The following LIMA1 variants were observed in gnomAD, a reference collection of about 807,000 sequenced individuals.
LIMA1 encodes LIM domain and actin-binding protein 1.
In LIMA1, 52 loss-of-function variants were observed where a neutral mutation model predicts 62.6. That is an observed-to-expected ratio of 0.83 (90% CI 0.67 to 1.05). The LOEUF (loss-of-function observed/expected upper bound fraction) is 1.05, where lower values mean the gene tolerates loss of function less well. LIMA1 is among the 50% of genes least tolerant of loss of function. LIMA1 has a pLI of 0.00. For missense variants in LIMA1, 780 were observed against 902.2 expected (o/e 0.86, Z 1.74); for synonymous variants, 302 against 317.8 (o/e 0.95, Z 0.53).
intron 1 of LIMA1, among the ~76,000 whole-genome samples, chr12:50,253,899 G>T (rs1941960282): frequency 6.6e-6 from 1 of 151,210 alleles, no homozygotes; most frequent in Non-Finnish European, 1.5e-5. Flanking sequence ...ATGGTGGCAG[G>T]CGCCTGTAAT....
Position 50,270,964 on chromosome 12 carries a change from T to C in LIMA1, c.-24+12456A>G, listed in dbSNP as rs535911938. On this transcript the variant is annotated intron_variant, in intron 1 of 10. Coordinates refer to ENST00000341247, the MANE Select transcript of LIMA1 (RefSeq NM_016357.5). ...AAAATTAGCCGGGCGTGGTGGCGGG[T>C]GCCTATGGTCCCAATTACTCGGGAG... Among the ~76,000 whole-genome samples, 128 of 152,038 alleles carry C rather than the reference T, an allele frequency of 8.4e-4. 1 individual carries two copies. Among genetic ancestry groups the C allele is most frequent in the Non-Finnish European group, 1.1e-3 (75 of 67,956 alleles).
intron 3 of LIMA1, among the ~76,000 whole-genome samples, chr12:50,226,615 C>T (rs1436310572): frequency 1.3e-5 from 2 of 152,052 alleles, no homozygotes; most frequent in South Asian, 2.1e-4. Flanking sequence ...CCGAGGCGGG[C>T]GGATCACAAG....
At position 50,224,903 on chromosome 12, in the gene LIMA1, T is replaced by C. The variant is rs1364211664; in HGVS notation, c.166-2418A>G. ...TATGTCAGCATGCCTGGCATTTTTT[T>C]TTTTTTTTTTTTTTTTGAGACGGAG... On this transcript the variant is annotated intron_variant, in intron 3 of 10. Coordinates refer to ENST00000341247, the MANE Select transcript of LIMA1 (RefSeq NM_016357.5). Among the ~76,000 whole-genome samples, 3 of 148,436 alleles carry C rather than the reference T, an allele frequency of 2.0e-5. No homozygotes were observed. The Admixed American group carries it at 2.0e-4, about 10-fold the overall frequency.
chr12:50,237,942 A>G (rs1296379253), intron 2 of LIMA1, among the ~76,000 whole-genome samples: 1 of 152,256 alleles, frequency 6.6e-6, no homozygotes, highest in African/African-American at 2.4e-5. Context: ...AAATGGATCA[A>G]AGACCTAACT....
At chr12:50,236,926 TAAAC>T (rs896600428) in intron 2 of LIMA1, among the ~76,000 whole-genome samples, 2 of 151,978 alleles carry the variant, frequency 1.3e-5, no homozygotes, top group South Asian at 4.2e-4. Flanking sequence ...TTAAAACAAA[TAAAC>T]AAACAAAAAA....
At chr12:50,180,707 G>A (rs1247497802) in intron 10 of LIMA1, among the ~76,000 whole-genome samples, 8 of 152,152 alleles carry the variant, frequency 5.3e-5, no homozygotes, top group Non-Finnish European at 1.0e-4. Flanking sequence ...GGTGTCTCTT[G>A]CAGGATGATA....
At chr12:50,197,614 A>G (rs977925837) in intron 7 of LIMA1, among the ~76,000 whole-genome samples, 1 of 152,196 alleles carries the variant, frequency 6.6e-6, no homozygotes. Flanking sequence ...TATAATTAAA[A>G]TGTTCTAATC....
At chr12:50,240,194 T>A (rs571919433) in intron 2 of LIMA1, among the ~76,000 whole-genome samples, 1 of 152,088 alleles carries the variant, frequency 6.6e-6, no homozygotes, top group African/African-American at 2.4e-5. Flanking sequence ...ACACCATGCA[T>A]AAAGGCCTCA....
chr12:50,210,164 T>C (rs1447755365), intron 4 of LIMA1, among the ~76,000 whole-genome samples: 4 of 152,042 alleles, frequency 2.6e-5, no homozygotes, highest in African/African-American at 9.7e-5. Flanking sequence ...GGCTCACACC[T>C]GTAATCCTAG....
At chr12:50,252,030 T>C (rs1941937544) in intron 1 of LIMA1, among the ~76,000 whole-genome samples, 1 of 152,230 alleles carries the variant, frequency 6.6e-6, no homozygotes, top group Non-Finnish European at 1.5e-5. Flanking sequence ...ATGGTGTACA[T>C]AATCTACTGT....
intron 1 of LIMA1, among the ~76,000 whole-genome samples, chr12:50,271,631 GC>G (rs1194009552): frequency 1.3e-5 from 2 of 152,030 alleles, no homozygotes; most frequent in Non-Finnish European, 2.9e-5. Flanking sequence ...GAAAAACATA[GC>G]TAATTAGAAA....
chr12:50,241,595 T>A (rs1026598065), intron 2 of LIMA1, among the ~76,000 whole-genome samples: 2 of 152,224 alleles, frequency 1.3e-5, no homozygotes, highest in African/African-American at 4.8e-5. Context: ...CTCAAACCCC[T>A]ACTCAAATAT....
At chr12:50,192,663 A>G (rs1940804682) in intron 8 of LIMA1, 102 bp from the exon 9 acceptor site, 1 of 765,536 alleles carries the variant, frequency 1.3e-6, no homozygotes, top group Admixed American at 2.0e-5. Context: ...TTAATGACAG[A>G]TCCTTCCAAC....
chr12:50,241,218 T>C (rs994990417), intron 2 of LIMA1, among the ~76,000 whole-genome samples: 2 of 152,214 alleles, frequency 1.3e-5, no homozygotes, highest in Middle Eastern at 3.2e-3. Context: ...AGAGATTCCC[T>C]AAAAGTGAGA....
At chr12:50,236,020 C>G (rs1941687745) in intron 2 of LIMA1, among the ~76,000 whole-genome samples, 1 of 151,882 alleles carries the variant, frequency 6.6e-6, no homozygotes, top group Non-Finnish European at 1.5e-5. Context: ...CAAAAATTAG[C>G]CAGGCATGGT....
intron 1 of LIMA1, among the ~76,000 whole-genome samples, chr12:50,267,908 GCCTC>G (rs1402342765): frequency 5.3e-5 from 8 of 151,974 alleles, no homozygotes; most frequent in Non-Finnish European, 1.2e-4. Flanking sequence ...TCTCACTTCT[GCCTC>G]CCTAACTGCT....
chr12:50,229,986 C>T (rs910478176), intron 3 of LIMA1: 1 of 152,330 alleles, frequency 6.6e-6, no homozygotes, highest in African/African-American at 2.4e-5. Flanking sequence ...CCTTACCTGC[C>T]TCATGCTGTT....
intron 4 of LIMA1, among the ~76,000 whole-genome samples, chr12:50,214,352 A>G (rs1941308292): frequency 6.6e-6 from 1 of 152,246 alleles, no homozygotes; most frequent in Non-Finnish European, 1.5e-5. Context: ...CAATGTATCT[A>G]TTGAAGATTA....
chr12:50,218,958 T>C (rs2138544117), intron 4 of LIMA1, among the ~76,000 whole-genome samples: 1 of 152,234 alleles, frequency 6.6e-6, no homozygotes, highest in East Asian at 1.9e-4. Context: ...AGTTTAATTC[T>C]TCCTTTGGAA....
Sources: gnomAD v4.1 joint callset for allele counts (sites outside exome capture counted in the v4.1 genomes callset) on GRCh38, gnomAD v4.1.1 for gene constraint, MANE v1.5 for transcripts, NCBI Gene and HGNC (gene_info 2026-07-23, HGNC 2026-07-21) for gene names.